Variants in FA2H observed in about 807,000 individuals in gnomAD.
FA2H encodes the protein fatty acid 2-hydroxylase, also known as fatty acid alpha-hydroxylase.
Under a neutral mutation model 44.9 loss-of-function variants are expected in FA2H, and 22 were observed. The observed-to-expected ratio is 0.49, with a 90% confidence interval of 0.35 to 0.70. The LOEUF is 0.70. Ranked by LOEUF, FA2H falls within the 30% of genes least tolerant of loss-of-function variation. FA2H has a pLI of 0.01. For missense variants in FA2H, 501 were observed against 504.9 expected, an observed-to-expected ratio of 0.99 and a Z score of 0.07; for synonymous variants, 243 against 213.2, an observed-to-expected ratio of 1.14 and a Z score of -1.22.
At position 74,749,062 on chromosome 16, in the gene FA2H, C is replaced by G. The variant is rs1248616378; in HGVS notation, c.271-8947G>C. 2.6e-5 allele frequency among the ~76,000 whole-genome samples: 4 copies of G among 152,274 alleles called. No homozygotes were observed. The South Asian group carries it at 8.3e-4, about 32-fold the overall frequency. Reference sequence around the variant, plus strand: ...GGAGATGATGGTGCCAAGGCTGTTCCAAGCCGTTATCTGTATCTGCAGCAA... The same window carrying G: ...GGAGATGATGGTGCCAAGGCTGTTCGAAGCCGTTATCTGTATCTGCAGCAA... On this transcript the variant is annotated intron_variant, in intron 1 of 6. Coordinates refer to ENST00000219368, the MANE Select transcript of FA2H (RefSeq NM_024306.5).
chr16:74,762,423 T>C (rs992267854), intron 1 of FA2H, among the ~76,000 whole-genome samples: 1 of 152,232 alleles, frequency 6.6e-6, no homozygotes, highest in African/African-American at 2.4e-5. Flanking sequence ...TAAAAATCAG[T>C]GCAACACTGC....
intron 4 of FA2H, among the ~76,000 whole-genome samples, chr16:74,723,156 T>C (rs540838146): frequency 6.6e-6 from 1 of 152,230 alleles, no homozygotes; most frequent in Non-Finnish European, 1.5e-5. Context: ...CTTGCTAATA[T>C]ATCAAATTGT....
intron 4 of FA2H, among the ~76,000 whole-genome samples, chr16:74,724,562 A>C (rs1172095006): frequency 6.6e-6 from 1 of 151,998 alleles, no homozygotes; most frequent in Non-Finnish European, 1.5e-5. Flanking sequence ...GATCCCGCCG[A>C]GTCTCCCCTT....
intron 1 of FA2H, among the ~76,000 whole-genome samples, chr16:74,751,138 A>G (rs2144648292): frequency 1.3e-5 from 2 of 152,158 alleles, no homozygotes; most frequent in South Asian, 4.2e-4. Context: ...TCTGTCACCC[A>G]GGCCAGAGTG....
chr16:74,773,351 AG>A (rs35582312), intron 1 of FA2H, among the ~76,000 whole-genome samples: 33,467 of 152,134 alleles, frequency 0.22, 4,528 homozygotes, highest in Non-Finnish European at 0.29. Flanking sequence ...ACTTTATCAT[AG>A]ATATGCATAT....
chr16:74,744,217 C>T (rs1962370813), intron 1 of FA2H, among the ~76,000 whole-genome samples: 1 of 152,148 alleles, frequency 6.6e-6, no homozygotes, highest in Non-Finnish European at 1.5e-5. Flanking sequence ...GAACACCATC[C>T]ATGAATCAGG....
chr16:74,750,689 T>C (rs962411677), intron 1 of FA2H, among the ~76,000 whole-genome samples: 2 of 152,120 alleles, frequency 1.3e-5, no homozygotes, highest in Non-Finnish European at 2.9e-5. Context: ...ATTGGCTGAC[T>C]TGTCTCAGGT....
Position 74,774,566 on chromosome 16 carries a change from C to A in FA2H, c.190G>T (p.Gly64Trp), listed in dbSNP as rs1410690526. The A allele has an allele frequency of 1.3e-6, 2 of 1,537,950 alleles. No homozygotes were observed. The highest frequency in any genetic ancestry group is 2.5e-5 in the East Asian group (1 of 39,316). The part of the protein sequence containing the change: ...AGQDISADLD[G>W]PPHRHSANAR... ...TTGGCCGAGTGCCTGTGCGGCGGCC[C>A]GTCCAGGTCGGCGCTGATGTCCTGG... Residue 64 changes from glycine (G) to tryptophan (W), a missense_variant, in exon 1 of 7, where the codon GGG (glycine) becomes TGG (tryptophan). Gly to Trp is a radical substitution (Grantham distance 184). Transcript: ENST00000219368.
rs1286114110 is a variant in FA2H, at chr16:74,719,060, G to C, written c.714C>G (p.Phe238Leu). 1 of 1,613,960 alleles carries C rather than the reference G, an allele frequency of 6.2e-7. No homozygotes were observed. Among genetic ancestry groups the C allele is most frequent in the South Asian group, 1.1e-5 (1 of 91,068 alleles). Residue 238 changes from phenylalanine (F) to leucine (L), a missense_variant, in exon 5 of 7, where the codon TTC becomes TTG. By Grantham distance (22) the Phe-to-Leu change is conservative (BLOSUM62 0). Transcript: ENST00000219368. ...AGCTGTCGCTGGGGGGCTTCATGTG[G>C]AACAGGAAGCGGTGGATGAGGTACT... ...LIEYLIHRFL[F>L]HMKPPSDSYY...
chr16:74,751,557 A>G (rs1265776712), intron 1 of FA2H, among the ~76,000 whole-genome samples: 1 of 151,972 alleles, frequency 6.6e-6, no homozygotes, highest in African/African-American at 2.4e-5. Context: ...ACCACAGGGT[A>G]AATTGTCTTT....
Position 74,740,673 on chromosome 16 carries a change from T to TAATAAAAA in FA2H, c.271-559_271-558insTTTTTATT, listed in dbSNP as rs1192790446. ...AATAATAATAATAATAATAATAAAA[T>TAATAAAAA]TTCTGCATAAATAAAAGAGGCAGAA... On this transcript the variant is annotated intron_variant, in intron 1 of 6. Transcript: ENST00000219368. Among the ~76,000 whole-genome samples the TAATAAAAA allele has an allele frequency of 2.3e-3, 328 of 141,080 alleles. 2 individuals carry two copies. Among genetic ancestry groups the TAATAAAAA allele is most frequent in the Middle Eastern group, 3.7e-3 (1 of 268 alleles). 92.6% of individuals were successfully genotyped at this position (141,080 alleles called of 152,430 possible).
chr16:74,739,928 C>A (rs1314402712), intron 2 of FA2H, 95 bp downstream of exon 2: 2 of 938,384 alleles, frequency 2.1e-6, no homozygotes, highest in Non-Finnish European at 3.5e-6. Flanking sequence ...GGGCACACGT[C>A]ATGCCCACTC....
At chr16:74,737,065 G>A (rs1348441411) in intron 2 of FA2H, among the ~76,000 whole-genome samples, 2 of 152,180 alleles carry the variant, frequency 1.3e-5, no homozygotes, top group Non-Finnish European at 2.9e-5. Context: ...GGCTAACTCC[G>A]CTGCTGAGCA....
At chr16:74,756,177 A>T (rs560790549) in intron 1 of FA2H, among the ~76,000 whole-genome samples, 1 of 152,190 alleles carries the variant, frequency 6.6e-6, no homozygotes, top group Non-Finnish European at 1.5e-5. Context: ...ATCCACGCAC[A>T]CGTGGAATCT....
At position 74,726,313 on chromosome 16, in the gene FA2H, G is replaced by T. The variant is rs1313960611; in HGVS notation, c.525C>A (p.Ile175=). 6.8e-6 allele frequency: 11 copies of T among 1,613,592 alleles called. No homozygotes were observed. Among genetic ancestry groups the T allele is most frequent in the Non-Finnish European group, 9.3e-6 (11 of 1,179,552 alleles). Residue 175 remains isoleucine (I), a synonymous_variant, in exon 4 of 7, where the codon ATC becomes ATA. Transcript: ENST00000219368. ...TGAGATACAGCACCAGGGGCACCCA[G>T]ATGATGGGGACACTGTACCTGCAGG... The part of the protein sequence containing the change: ...SKTVWYSVPI[I]WVPLVLYLSW...
At chr16:74,738,813 C>T (rs1962233637) in intron 2 of FA2H, among the ~76,000 whole-genome samples, 1 of 152,228 alleles carries the variant, frequency 6.6e-6, no homozygotes, top group Non-Finnish European at 1.5e-5. Context: ...GGTTGAGGTT[C>T]GGAAACCAGG....
At chr16:74,749,558 C>G (rs1268314759) in intron 1 of FA2H, among the ~76,000 whole-genome samples, 3 of 152,202 alleles carry the variant, frequency 2.0e-5, no homozygotes, top group South Asian at 4.1e-4. Flanking sequence ...CTATTCACCA[C>G]GGACCCAGCA....
At position 74,713,479 on chromosome 16, in the gene FA2H, G is replaced by C. The variant is rs1202856325; in HGVS notation, c.*711C>G. 6.6e-6 allele frequency: 1 copy of C among 152,312 alleles called. No homozygotes were observed. The allele number at this position is 152,312 out of a possible 1,614,324, so 9.4% of individuals were successfully genotyped here. On this transcript the variant is annotated 3_prime_UTR_variant, in exon 7 of 7. Transcript: ENST00000219368. ...ACGGGGTGGGGCTGCCACTGGTGGAGAAGCCTCCTCAGCCTCCCTTGGGGA... is the reference window on the plus strand; with the variant it reads ...ACGGGGTGGGGCTGCCACTGGTGGACAAGCCTCCTCAGCCTCCCTTGGGGA...
At chr16:74,753,716 C>T (rs1962568399) in intron 1 of FA2H, among the ~76,000 whole-genome samples, 1 of 152,132 alleles carries the variant, frequency 6.6e-6, no homozygotes. Flanking sequence ...CCAAGCCACA[C>T]CCAGCACCTC....
Sources: allele counts gnomAD v4.1 joint callset (sites outside exome capture counted in the v4.1 genomes callset), GRCh38; gene constraint gnomAD v4.1.1; transcripts MANE v1.5; gene names NCBI Gene and HGNC (gene_info 2026-07-23, HGNC 2026-07-21).